The following MYRIP variants were observed in gnomAD, a reference collection of about 807,000 sequenced individuals.
MYRIP encodes the protein rab effector MyRIP.
Under a neutral mutation model 98.0 loss-of-function variants are expected in MYRIP, and 49 were observed. The observed-to-expected ratio is 0.50, with a 90% CI of 0.40 to 0.63. The LOEUF is 0.63. Ranked by LOEUF, MYRIP falls within the 30% of genes least tolerant of loss-of-function variation. The pLI is 0.00. For missense variants in MYRIP, 1,004 were observed against 1,058.2 expected (o/e 0.95, Z 0.71); for synonymous variants, 404 against 409.5 (o/e 0.99, Z 0.16).
chr3:40,154,254 T>G (rs982160786), intron 4 of MYRIP, among the ~76,000 whole-genome samples: 1 of 152,152 alleles, frequency 6.6e-6, no homozygotes, highest in African/African-American at 2.4e-5. Flanking sequence ...CAAGCGAACC[T>G]TTCTCCTTCT....
intron 8 of MYRIP, among the ~76,000 whole-genome samples, chr3:40,170,838 G>T (rs1488255120): frequency 6.6e-6 from 1 of 152,174 alleles, no homozygotes; most frequent in Non-Finnish European, 1.5e-5. Context: ...GGAAAGTCAG[G>T]CATGGGAAAG....
Position 40,044,123 on chromosome 3 carries a change from C to T in MYRIP, c.184C>T (p.His62Tyr). 1 of 1,614,168 alleles carries T rather than the reference C, an allele frequency of 6.2e-7. No homozygotes were observed. The highest frequency in any genetic ancestry group is 8.5e-7 in the Non-Finnish European group (1 of 1,180,030). Residue 62 changes from histidine to tyrosine, a missense_variant, in exon 3 of 17, where the codon CAC (histidine) becomes TAC (tyrosine). Around this residue, in one of 3 missense-constraint regions of MYRIP, gnomAD observed 880 missense variants for 907.7 expected, o/e 0.97. Transcript: ENST00000302541. ...ILSKHQQFVE[H>Y]CCMRCCSPFT... is the part of the protein sequence containing the mutation. ...CTCGAAGCACCAGCAGTTTGTGGAGCACTGCTGCATGCGCTGCTGCTCGCC... is the reference window on the plus strand; with the variant it reads ...CTCGAAGCACCAGCAGTTTGTGGAGTACTGCTGCATGCGCTGCTGCTCGCC...
At chr3:40,087,914 C>T (rs1264503050) in intron 3 of MYRIP, among the ~76,000 whole-genome samples, 1 of 143,094 alleles carries the variant, frequency 7.0e-6, no homozygotes, top group Admixed American at 7.3e-5. Context: ...CACAAAGATG[C>T]CTGTGCCTCA....
intron 3 of MYRIP, among the ~76,000 whole-genome samples, chr3:40,118,904 T>G (rs1437101715): frequency 1.3e-5 from 2 of 151,994 alleles, no homozygotes; most frequent in Admixed American, 1.3e-4. Flanking sequence ...ACAAAGGACA[T>G]GAACTCATCC....
intron 1 of MYRIP, among the ~76,000 whole-genome samples, chr3:39,899,323 T>C (rs942691590): frequency 1.3e-5 from 2 of 152,232 alleles, no homozygotes; most frequent in African/African-American, 4.8e-5. Context: ...GCCACTGTGG[T>C]AGAATATTCT....
chr3:40,031,858 G>A (rs370726723), intron 2 of MYRIP, among the ~76,000 whole-genome samples: 2,657 of 151,868 alleles, frequency 0.017, 70 homozygotes, highest in African/African-American at 0.059. Context: ...TTTTTATTGC[G>A]TCTATTTGAT....
intron 1 of MYRIP, among the ~76,000 whole-genome samples, chr3:39,845,320 T>C (rs187028462): frequency 1.4e-3 from 214 of 152,290 alleles, no homozygotes; most frequent in Admixed American, 4.6e-3. Context: ...GGTGTGAAGT[T>C]CAGTGGCAGC....
chr3:40,228,593 C>A (rs1952558771), intron 11 of MYRIP, among the ~76,000 whole-genome samples: 1 of 152,136 alleles, frequency 6.6e-6, no homozygotes, highest in Admixed American at 6.5e-5. Flanking sequence ...GTGTGAGTAC[C>A]AGTGTCCCTT....
intron 12 of MYRIP, among the ~76,000 whole-genome samples, chr3:40,242,981 G>C (rs1221184408): frequency 6.6e-6 from 1 of 151,978 alleles, no homozygotes; most frequent in East Asian, 1.9e-4. Context: ...ATCATTTCTT[G>C]CTTTAAAAAC....
In MYRIP at chr3:40,169,285, T is replaced by C. The variant is rs544456801; in HGVS notation, c.730-665T>C. 7.2e-5 allele frequency among the ~76,000 whole-genome samples: 11 copies of C among 152,314 alleles called. No individual in the cohort carries two copies. The South Asian group carries it at 1.5e-3, about 20-fold the overall frequency. ...TTCTCTGGGCTCTCAGCCTTCCTTTTCATCCTCCTGTCTGGCCTAAAGGAA... is the reference window on the plus strand; with the variant it reads ...TTCTCTGGGCTCTCAGCCTTCCTTTCCATCCTCCTGTCTGGCCTAAAGGAA... On this transcript the variant is annotated intron_variant, in intron 7 of 16. Coordinates refer to ENST00000302541, the MANE Select transcript of MYRIP (RefSeq NM_015460.4).
rs541077128 is a variant in MYRIP, at chr3:40,244,538, G to T, written c.2193G>T (p.Glu731Asp). The change falls in exon 13 of 17, where the codon GAG becomes GAT. Residue 731 changes from glutamate (E) to aspartate (D), a missense_variant. Around this residue, in one of 3 missense-constraint regions of MYRIP, gnomAD observed 880 missense variants for 907.7 expected, o/e 0.97. Coordinates refer to ENST00000302541, the MANE Select transcript of MYRIP (RefSeq NM_015460.4). ...AARCIHSGTD[E>D]THLADLEDQV... ...GCTGCATCCACAGTGGCACTGATGAGACCCATCTGGCGGATCTGGAGGACC... is the reference window on the plus strand; with the variant it reads ...GCTGCATCCACAGTGGCACTGATGATACCCATCTGGCGGATCTGGAGGACC... The T allele has an allele frequency of 3.0e-5, 49 of 1,613,972 alleles. No individual in the cohort carries two copies. The highest frequency in any genetic ancestry group is 4.0e-5 in the African/African-American group (3 of 74,930).
intron 1 of MYRIP, among the ~76,000 whole-genome samples, chr3:39,881,656 T>C (rs964431975): frequency 6.6e-6 from 1 of 152,168 alleles, no homozygotes; most frequent in East Asian, 1.9e-4. Context: ...AGAGCCTCTC[T>C]AGCCCAGTCT....
chr3:40,240,139 T>C (rs553450770), intron 12 of MYRIP, among the ~76,000 whole-genome samples: 1 of 149,444 alleles, frequency 6.7e-6, no homozygotes, highest in Admixed American at 6.7e-5. Flanking sequence ...TAGCCAGTTT[T>C]CCCAGCACCA....
intron 11 of MYRIP, among the ~76,000 whole-genome samples, chr3:40,217,979 G>A (rs1410642302): frequency 1.3e-5 from 2 of 152,082 alleles, no homozygotes; most frequent in African/African-American, 2.4e-5. Flanking sequence ...TTGGTAGGAT[G>A]GCCTATCACA....
At chr3:40,151,300 T>A in intron 4 of MYRIP, 116 bp downstream of exon 4, 3 of 1,130,572 alleles carry the variant, frequency 2.7e-6, no homozygotes, top group Non-Finnish European at 2.4e-6. Context: ...TTTGCTTAAA[T>A]ATCTGGCACC....
chr3:40,043,862 T>C (rs1172228525), intron 2 of MYRIP, among the ~76,000 whole-genome samples, 188 bp from the exon 3 acceptor site: 1 of 152,238 alleles, frequency 6.6e-6, no homozygotes, highest in African/African-American at 2.4e-5. Context: ...AAAACTAATC[T>C]ACGATTAATG....
At chr3:39,950,607 A>G (rs898990211) in intron 2 of MYRIP, among the ~76,000 whole-genome samples, 1 of 152,092 alleles carries the variant, frequency 6.6e-6, no homozygotes, top group African/African-American at 2.4e-5. Flanking sequence ...AGCTAGGATG[A>G]CTGGGTCTCT....
At chr3:39,874,055 A>C (rs375734095) in intron 1 of MYRIP, among the ~76,000 whole-genome samples, 4 of 150,638 alleles carry the variant, frequency 2.7e-5, no homozygotes, top group African/African-American at 9.7e-5. Context: ...GGTCCTTCAC[A>C]TCCCTTGTAA....
chr3:40,196,156 CT>C (rs927718369), intron 10 of MYRIP, among the ~76,000 whole-genome samples: 7 of 150,684 alleles, frequency 4.6e-5, no homozygotes, highest in South Asian at 2.1e-4. Flanking sequence ...ACTTACCAGT[CT>C]TTTTTTTTAC....
Sources: allele counts gnomAD v4.1 joint callset (sites outside exome capture counted in the v4.1 genomes callset), GRCh38; gene constraint gnomAD v4.1.1; regional missense constraint gnomAD v4.1.1; transcripts MANE v1.5; gene names NCBI Gene and HGNC (gene_info 2026-07-23, HGNC 2026-07-21).